Variants in CADPS2 observed in about 807,000 individuals in gnomAD.
CADPS2 encodes calcium-dependent secretion activator 2.
In CADPS2, 93 loss-of-function variants were observed where a neutral mutation model predicts 172.5. That is an observed-to-expected ratio of 0.54 (90% confidence interval 0.46 to 0.64). CADPS2 has a LOEUF of 0.64. CADPS2 is among the 30% of genes least tolerant of loss of function. The pLI is 0.00. For missense variants in CADPS2, 1,420 were observed against 1,565.9 expected (o/e 0.91, Z 1.57); for synonymous variants, 546 against 555.2 (o/e 0.98, Z 0.23).
intron 2 of CADPS2, 140 bp from the exon 3 acceptor site, chr7:122,663,709 A>G (rs2080864669): frequency 4.4e-6 from 3 of 681,322 alleles, no homozygotes; most frequent in East Asian, 5.4e-5. Flanking sequence ...AAAATGTTTT[A>G]TAATACATGG....
At chr7:122,837,078 C>A (rs1475316550) in intron 1 of CADPS2, among the ~76,000 whole-genome samples, 3 of 152,206 alleles carry the variant, frequency 2.0e-5, no homozygotes, top group East Asian at 3.8e-4. Context: ...AACAAACTGT[C>A]TCTCAGACCA....
At chr7:122,790,215 A>T (rs1248109521) in intron 1 of CADPS2, among the ~76,000 whole-genome samples, 1 of 151,776 alleles carries the variant, frequency 6.6e-6, no homozygotes, top group Non-Finnish European at 1.5e-5. Context: ...TGGGCAACAA[A>T]AGGAGTCCCT....
At chr7:122,663,998 A>G (rs73719733) in intron 2 of CADPS2, among the ~76,000 whole-genome samples, 5,398 of 151,350 alleles carry the variant, frequency 0.036, 317 homozygotes, top group African/African-American at 0.12. Context: ...CAAATTGGCT[A>G]ACACCCTGAT....
chr7:122,326,702 TAATA>T (rs1426532093), intron 28 of CADPS2, among the ~76,000 whole-genome samples: 6 of 152,126 alleles, frequency 3.9e-5, no homozygotes, highest in African/African-American at 1.2e-4. Flanking sequence ...TTTCTCTACA[TAATA>T]AAACCATAAA....
At chr7:122,476,456 C>T (rs368178948) in intron 12 of CADPS2, among the ~76,000 whole-genome samples, 3 of 151,922 alleles carry the variant, frequency 2.0e-5, no homozygotes, top group Admixed American at 6.6e-5. Flanking sequence ...TTCTGAAAAA[C>T]GATCTATAGT....
At chr7:122,351,457 A>C (rs1405189944) in intron 27 of CADPS2, among the ~76,000 whole-genome samples, 1 of 148,232 alleles carries the variant, frequency 6.7e-6, no homozygotes, top group African/African-American at 2.5e-5. Flanking sequence ...TTTTTTGTTA[A>C]ATTTAGCGGT....
chr7:122,541,428 A>G (rs1587010942), intron 8 of CADPS2, among the ~76,000 whole-genome samples: 1 of 135,472 alleles, frequency 7.4e-6, no homozygotes, highest in African/African-American at 2.7e-5. Flanking sequence ...CTGGTCTTGA[A>G]CTCCTGGCCT....
At chr7:122,452,682 C>T (rs2053275669) in intron 14 of CADPS2, among the ~76,000 whole-genome samples, 1 of 152,166 alleles carries the variant, frequency 6.6e-6, no homozygotes. Flanking sequence ...AGGGGTGAGC[C>T]ACCGTGCCCA....
Position 122,621,446 on chromosome 7 carries a change from G to T in CADPS2, c.1104+35C>A, listed in dbSNP as rs781651504. The T allele has an allele frequency of 2.0e-5, 26 of 1,304,744 alleles. No individual in the cohort carries two copies. The Middle Eastern group carries it at 1.1e-3, about 56-fold the overall frequency. The allele number at this position is 1,304,744 out of a possible 1,614,324, so 80.8% of individuals were successfully genotyped here. On this transcript the variant is annotated intron_variant, in intron 5 of 29. Transcript: ENST00000449022. Reference sequence around the variant, plus strand: ...GAAATTATTGTGCATCATCATTTATGCTGTCAGAGGTGAGCATGAGATAAA... The same window carrying T: ...GAAATTATTGTGCATCATCATTTATTCTGTCAGAGGTGAGCATGAGATAAA...
chr7:122,809,697 G>C (rs530820566), intron 1 of CADPS2, among the ~76,000 whole-genome samples: 1 of 152,154 alleles, frequency 6.6e-6, no homozygotes, highest in African/African-American at 2.4e-5. Context: ...ATTATAAGAA[G>C]TCAAATACTA....
intron 15 of CADPS2, among the ~76,000 whole-genome samples, chr7:122,447,801 C>T (rs1200074113): frequency 4.0e-5 from 6 of 151,870 alleles, no homozygotes; most frequent in Non-Finnish European, 8.8e-5. Flanking sequence ...ATGTCACCCA[C>T]CTCAGTCTCC....
At chr7:122,818,340 A>G (rs1393405021) in intron 1 of CADPS2, among the ~76,000 whole-genome samples, 1 of 152,148 alleles carries the variant, frequency 6.6e-6, no homozygotes, top group Non-Finnish European at 1.5e-5. Context: ...TAGCCAGAAA[A>G]TGGCACTTTG....
intron 7 of CADPS2, among the ~76,000 whole-genome samples, chr7:122,568,216 C>T (rs1333474565): frequency 2.0e-5 from 3 of 151,762 alleles, no homozygotes; most frequent in Admixed American, 6.6e-5. Context: ...CTGGGCAACA[C>T]GGCAAAACCC....
chr7:122,560,609 C>T (rs768228861), intron 7 of CADPS2, among the ~76,000 whole-genome samples: 19 of 152,150 alleles, frequency 1.2e-4, no homozygotes, highest in Non-Finnish European at 2.4e-4. Context: ...AAAATCACTT[C>T]TGCTTACAAA....
chr7:122,799,961 C>A (rs1052726020), intron 1 of CADPS2, among the ~76,000 whole-genome samples: 5 of 152,162 alleles, frequency 3.3e-5, no homozygotes, highest in African/African-American at 1.2e-4. Flanking sequence ...TGAAAGCCTG[C>A]CTCTGGCAGC....
intron 24 of CADPS2, among the ~76,000 whole-genome samples, chr7:122,385,212 G>T (rs2043474885): frequency 1.3e-5 from 2 of 151,930 alleles, no homozygotes; most frequent in African/African-American, 4.8e-5. Flanking sequence ...AGTGATCAGA[G>T]AATGGTAATT....
chr7:122,738,848 G>C lies in CADPS2; in HGVS notation c.340-1780C>G, dbSNP rs376347539. ...TTAAAAAGTGTCCTATTGTACCCAG[G>C]GGGGGAAAAAAAAAAAAAAAAAACT... On this transcript the variant is annotated intron_variant, in intron 1 of 29. Transcript: ENST00000449022. Among the ~76,000 whole-genome samples the C allele has an allele frequency of 7.6e-3, 946 of 125,228 alleles. 9 individuals are homozygous for C. The highest frequency in any genetic ancestry group is 0.025 in the African/African-American group (907 of 35,688). 82.2% of individuals were successfully genotyped at this position (125,228 alleles called of 152,430 possible).
chr7:122,664,727 T>C (rs1322830862), intron 2 of CADPS2, among the ~76,000 whole-genome samples: 1 of 152,236 alleles, frequency 6.6e-6, no homozygotes, highest in African/African-American at 2.4e-5. Flanking sequence ...GACAATTTAA[T>C]AGAACCTCCA....
chr7:122,574,149 A>T lies in CADPS2; in HGVS notation c.1335+7030T>A, dbSNP rs553647541. Among the ~76,000 whole-genome samples the T allele has an allele frequency of 2.6e-5, 4 of 152,172 alleles. No homozygotes were observed. In the South Asian group the frequency reaches 8.3e-4, roughly 32 times the overall value. On this transcript the variant is annotated intron_variant, in intron 7 of 29. Coordinates refer to ENST00000449022, the MANE Select transcript of CADPS2 (RefSeq NM_017954.11). ...GCAGTAAACTCATGTTTTAAAAAAA[A>T]ATGTGTATTTCTTGGGCTGGGAACA...
Sources: allele counts gnomAD v4.1 joint callset (sites outside exome capture counted in the v4.1 genomes callset), GRCh38; gene constraint gnomAD v4.1.1; transcripts MANE v1.5; gene names NCBI Gene and HGNC (gene_info 2026-07-23, HGNC 2026-07-21).